RBM41: variants seen among roughly 807,000 people sequenced by gnomAD.
RBM41 encodes the protein RNA-binding protein 41.
A neutral mutation model predicts 30.8 loss-of-function variants in RBM41; 14 were observed. The ratio of observed to expected loss-of-function variants is 0.45; its 90% CI spans 0.30 to 0.71. RBM41 has a LOEUF of 0.71. RBM41 is among the 30% of genes least tolerant of loss of function. The pLI is 0.08. For missense variants in RBM41, 276 were observed against 326.3 expected, an observed-to-expected ratio of 0.85 and a Z score of 1.19; for synonymous variants, 120 against 110.1, an observed-to-expected ratio of 1.09 and a Z score of -0.56.
chrX:107,109,268 A>G (rs1428903006), intron 5 of RBM41, among the ~76,000 whole-genome samples: 1 of 111,846 alleles, frequency 8.9e-6, no homozygotes, highest in Non-Finnish European at 1.9e-5. Flanking sequence ...CTAATTAAAT[A>G]CATTAAAATA....
At chrX:107,061,337 T>C (rs1367241043), downstream of RBM41, among the ~76,000 whole-genome samples, 1 of 112,117 alleles carries the variant, frequency 8.9e-6, no homozygotes, top group Non-Finnish European at 1.9e-5. Context: ...TTACAACTTT[T>C]CTATAAATCT....
intron 5 of RBM41, among the ~76,000 whole-genome samples, chrX:107,104,814 A>AT (rs1923799941): frequency 9.0e-6 from 1 of 111,004 alleles, no homozygotes; most frequent in African/African-American, 3.3e-5. Context: ...TTTATTGAGG[A>AT]TTTTTGCATT....
chrX:107,069,125 T>G (rs1238678890), intron 7 of RBM41, 130 bp downstream of exon 7: 22 of 602,474 alleles, frequency 3.7e-5, no homozygotes, highest in Non-Finnish European at 5.5e-5. Flanking sequence ...TGAAAACATA[T>G]TTTTCGTTCA....
intron 1 of RBM41, among the ~76,000 whole-genome samples, chrX:107,117,247 T>C (rs984756789): frequency 1.8e-5 from 2 of 112,021 alleles, no homozygotes; most frequent in Non-Finnish European, 3.8e-5. Context: ...TACAAAGGGA[T>C]AGTAATATAT....
rs759651881 is a variant in RBM41 at position 107,088,616 on chromosome X, G to A, written c.819C>T (p.Pro273=). The change falls in exon 6 of 8, where the codon CCC becomes CCT. Residue 273 remains proline, a synonymous_variant. Transcript: ENST00000685964. ...KGKQAAQGKG[P]SLHVANVIDF... ...CAATAACATTTGCCACATGGAGACT[G>A]GGGCCTTTACCCTGTGCTGCCTGTT... 6.6e-6 allele frequency: 8 copies of A among 1,209,400 alleles called. No individual in the cohort carries two copies. Among genetic ancestry groups the A allele is most frequent in the Non-Finnish European group, 7.8e-6 (7 of 895,067 alleles).
rs758942417 is a variant in RBM41, at chrX:107,083,909, G to A, written c.999+4527C>T. Among the ~76,000 whole-genome samples the A allele has an allele frequency of 3.7e-5, 4 of 106,902 alleles. No individual in the cohort carries two copies. The East Asian group carries it at 1.1e-3, about 31-fold the overall frequency. 92.8% of individuals were successfully genotyped at this position (106,902 alleles called of 115,157 possible). A position where few individuals can be genotyped will look rare whatever the true frequency, so the allele number is the denominator to read the frequency against. On this transcript the variant is annotated intron_variant, in intron 6 of 7. Transcript: ENST00000685964. Reference sequence around the variant, plus strand: ...TTCTCACGCTTGTTTTGCCTCTTCAGAATGTGTGTTTTTTTTTTTTTTAGC... The same window carrying A: ...TTCTCACGCTTGTTTTGCCTCTTCAAAATGTGTGTTTTTTTTTTTTTTAGC...
intron 5 of RBM41, among the ~76,000 whole-genome samples, chrX:107,096,902 A>G (rs1923029451): frequency 8.9e-6 from 1 of 112,227 alleles, no homozygotes. Context: ...CAATCAAAAA[A>G]TGGGCAAAAG....
At chrX:107,068,903 G>A (rs774021769) in intron 7 of RBM41, among the ~76,000 whole-genome samples, 32 of 111,981 alleles carry the variant, frequency 2.9e-4, no homozygotes, top group East Asian at 1.1e-3. Flanking sequence ...AAGGAACAGC[G>A]CATAAGCCAA....
At position 107,064,578 on chromosome X, in the gene RBM41, A is replaced by G. The variant is rs1039585552; in HGVS notation, c.*2949T>C. Reference sequence around the variant, plus strand: ...ACTTACAAGTGTGTCTGATTTCCACATATTTGTGAGTTTCCCAACTTTTCA... The same window carrying G: ...ACTTACAAGTGTGTCTGATTTCCACGTATTTGTGAGTTTCCCAACTTTTCA... On this transcript the variant is annotated 3_prime_UTR_variant, in exon 8 of 8. Transcript: ENST00000685964. 1 of 111,013 alleles carries G rather than the reference A, an allele frequency of 9.0e-6. No individual in the cohort carries two copies. The highest frequency in any genetic ancestry group is 1.9e-5 in the Non-Finnish European group (1 of 52,997). 9.1% of individuals were successfully genotyped at this position (111,013 alleles called of 1,213,427 possible). A position where few individuals can be genotyped will look rare whatever the true frequency, so the allele number is the denominator to read the frequency against.
At chrX:107,055,867 C>G in the RBM41 span, among the ~76,000 whole-genome samples, 1 of 112,110 alleles carries the variant, frequency 8.9e-6, no homozygotes, top group Non-Finnish European at 1.9e-5. Context: ...CTAGTCAAAT[C>G]TAAGAACACA....
intron 5 of RBM41, among the ~76,000 whole-genome samples, chrX:107,106,470 A>C (rs1376322104): frequency 9.0e-6 from 1 of 111,678 alleles, no homozygotes; most frequent in East Asian, 2.8e-4. Flanking sequence ...GCGATTCCTC[A>C]GGGATCCAGA....
At chrX:107,114,194 C>G (rs1258249726) in intron 4 of RBM41, 1 of 111,168 alleles carries the variant, frequency 9.0e-6, no homozygotes, top group East Asian at 2.8e-4. Context: ...CATTATAAAC[C>G]TACCTCTCTC....
chrX:107,095,456 C>G lies in RBM41; in HGVS notation c.596-6617G>C, dbSNP rs774168739. 2.3e-3 allele frequency among the ~76,000 whole-genome samples: 249 copies of G among 109,370 alleles called. 1 individual carries two copies. The highest frequency in any genetic ancestry group is 7.7e-3 in the African/African-American group (232 of 30,003). 95.0% of individuals were successfully genotyped at this position (109,370 alleles called of 115,157 possible). ...ACTAAAAATACAAAAATTGGCCAGGCGTGGTGGCACATGCCTGCAATCCCA... is the reference window on the plus strand; with the variant it reads ...ACTAAAAATACAAAAATTGGCCAGGGGTGGTGGCACATGCCTGCAATCCCA... On this transcript the variant is annotated intron_variant, in intron 5 of 7. Transcript: ENST00000685964.
chrX:107,069,808 T>G (rs147552834), intron 6 of RBM41: 1,199 of 119,231 alleles, frequency 0.01, 10 homozygotes, highest in Non-Finnish European at 0.016. Context: ...AAATGGTGGA[T>G]TGAACACATT....
intron 5 of RBM41, among the ~76,000 whole-genome samples, chrX:107,095,367 G>A (rs1430035636): frequency 3.6e-5 from 4 of 110,937 alleles, no homozygotes; most frequent in Non-Finnish European, 7.6e-5. Flanking sequence ...AGGCTGAAGA[G>A]GGAGGATCAC....
At chrX:107,059,147 A>G (rs1378955883), downstream of RBM41, among the ~76,000 whole-genome samples, 2 of 111,451 alleles carry the variant, frequency 1.8e-5, no homozygotes, top group Non-Finnish European at 3.8e-5. Context: ...AAGGGCATTA[A>G]CCCCATCCTG....
chrX:107,101,162 T>C (rs1456620759), intron 5 of RBM41, among the ~76,000 whole-genome samples: 1 of 111,488 alleles, frequency 9.0e-6, no homozygotes, highest in East Asian at 2.8e-4. Flanking sequence ...TAGTTATATC[T>C]AGTGGGAAGA....
chrX:107,097,149 A>G (rs1174540933), intron 5 of RBM41, among the ~76,000 whole-genome samples: 1 of 112,273 alleles, frequency 8.9e-6, no homozygotes, highest in Non-Finnish European at 1.9e-5. Context: ...ACATTAGGAA[A>G]TAGTCAATTC....
At chrX:107,103,124 G>A (rs1281278387) in intron 5 of RBM41, among the ~76,000 whole-genome samples, 1 of 111,053 alleles carries the variant, frequency 9.0e-6, no homozygotes, top group Non-Finnish European at 1.9e-5. Context: ...TTTTGGGGAT[G>A]TTATGTATTT....
Sources: allele counts gnomAD v4.1 joint callset (sites outside exome capture counted in the v4.1 genomes callset), GRCh38; gene constraint gnomAD v4.1.1; transcripts MANE v1.5; gene names NCBI Gene and HGNC (gene_info 2026-07-23, HGNC 2026-07-21).